Variants in MPG observed in about 807,000 individuals in gnomAD.
MPG encodes the protein N-methylpurine DNA glycosylase.
A neutral mutation model predicts 31.7 loss-of-function variants in MPG; 33 were observed. That is an observed-to-expected ratio of 1.04 (90% confidence interval 0.79 to 1.39). The LOEUF is 1.39. Ranked by LOEUF, MPG falls within the 40% of genes most tolerant of loss-of-function variation. MPG has a pLI of 0.00. For synonymous variants in MPG, 202 were observed against 169.2 expected (o/e 1.19, Z -1.51); for missense variants, 455 against 415.5 (o/e 1.10, Z -0.83).
At chr16:82,080 CCCA>C (rs1898259308) in intron 2 of MPG, among the ~76,000 whole-genome samples, 1 of 119,830 alleles carries the variant, frequency 8.3e-6, no homozygotes, top group Admixed American at 7.6e-5. Context: ...CTGAATGCTC[CCCA>C]CGCTGGCCCC....
At chr16:78,379 C>T in intron 1 of MPG, 46 bp downstream of exon 1, 1 of 1,190,132 alleles carries the variant, frequency 8.4e-7, no homozygotes, top group Non-Finnish European at 1.0e-6. Context: ...GCGCCCACCC[C>T]CAGGCGCAGC....
rs560374683 is a variant in MPG, at chr16:79,434, C to G, written c.34C>G (p.Arg12Gly). 3.7e-5 allele frequency: 60 copies of G among 1,613,142 alleles called. No homozygotes were observed. In the South Asian group the frequency reaches 6.6e-4, roughly 18 times the overall value. Residue 12 changes from arginine to glycine, a missense_variant, in exon 2 of 4, where the codon CGG (arginine) becomes GGG (glycine). Physicochemically the swap from Arg to Gly is moderately radical, Grantham distance 125. Coordinates refer to ENST00000356432, the MANE Select transcript of MPG (RefSeq NM_001015052.3). ...TTTTTTCCCATTACAGTTTTGCCGA[C>G]GGATGGGGCAAAAGAAGCAGCGACC... is the stretch of plus-strand genomic sequence containing the variant. ...PARSGAQFCRRMGQKKQRPAR... is the reference protein window; with the variant it reads ...PARSGAQFCRGMGQKKQRPAR...
Position 79,513 on chromosome 16 carries a change from A to G in MPG, c.113A>G (p.Glu38Gly), listed in dbSNP as rs1230030281. 7 of 1,612,358 alleles carry G rather than the reference A, an allele frequency of 4.3e-6. No individual in the cohort carries two copies. The highest frequency in any genetic ancestry group is 2.2e-5 in the East Asian group (1 of 44,858). Residue 38 changes from glutamate to glycine, a missense_variant, in exon 2 of 4, where the codon GAG becomes GGG. Glu to Gly is a moderately conservative substitution (Grantham distance 98). Coordinates refer to ENST00000356432, the MANE Select transcript of MPG (RefSeq NM_001015052.3). ...TCCGACGCAGCCCAGGCACCTGCAG[A>G]GCAGCCACACAGCTCGTCCGATGCA... is the stretch of plus-strand genomic sequence containing the variant. ...SSSDAAQAPA[E>G]QPHSSSDAAQ...
intron 2 of MPG, among the ~76,000 whole-genome samples, chr16:80,141 C>T (rs761973998): frequency 6.6e-6 from 1 of 152,254 alleles, no homozygotes; most frequent in Admixed American, 6.5e-5. Flanking sequence ...TGGGCTCTGC[C>T]AATCAGACTT....
At position 85,492 on chromosome 16, in the gene MPG, C is replaced by A. The variant is rs575216465; in HGVS notation, c.597C>A (p.Thr199=). 3.7e-6 allele frequency: 6 copies of A among 1,613,248 alleles called. No individual in the cohort carries two copies. The African/African-American group carries it at 8.0e-5, about 21-fold the overall frequency. ...TTCGCAGCACCCTCCGGAAAGGCAC[C>A]GCCAGCCGTGTCCTCAAGGACCGCG... ...RQLRSTLRKG[T]ASRVLKDREL... The change falls in exon 4 of 4, where the codon ACC becomes ACA. Residue 199 remains threonine (T), a synonymous_variant. Coordinates refer to ENST00000356432, the MANE Select transcript of MPG (RefSeq NM_001015052.3).
chr16:82,782 TCCCAG>T (rs1898286249), intron 2 of MPG, among the ~76,000 whole-genome samples: 1 of 152,154 alleles, frequency 6.6e-6, no homozygotes, highest in South Asian at 2.1e-4. Flanking sequence ...GACTGCCGGT[TCCCAG>T]CCCAGCCTGG....
intron 2 of MPG, among the ~76,000 whole-genome samples, chr16:81,470 G>A (rs3176411): frequency 0.11 from 15,715 of 148,404 alleles, 3,099 homozygotes; most frequent in African/African-American, 0.39. Flanking sequence ...ATGGAACAGG[G>A]CCACCCTTTC....
intron 3 of MPG, 35 bp from the exon 4 acceptor site, chr16:85,366 A>G: frequency 6.4e-7 from 1 of 1,562,668 alleles, no homozygotes; most frequent in South Asian, 1.2e-5. Flanking sequence ...ACAGGAGCCT[A>G]GGGAGGCTCC....
At chr16:78,452 T>C in intron 1 of MPG, 119 bp downstream of exon 1, 1 of 904,372 alleles carries the variant, frequency 1.1e-6, no homozygotes, top group Non-Finnish European at 1.4e-6. Context: ...GCCCCGAGGG[T>C]TCGGGGCAGA....
intron 1 of MPG, among the ~76,000 whole-genome samples, chr16:78,865 C>T (rs1269563178): frequency 6.6e-6 from 1 of 152,228 alleles, no homozygotes; most frequent in Non-Finnish European, 1.5e-5. Context: ...GGAGACCTTG[C>T]CTTTGCCCCA....
At chr16:83,452 C>A in intron 3 of MPG, 196 bp downstream of exon 3, 1 of 556,706 alleles carries the variant, frequency 1.8e-6, no homozygotes, top group Non-Finnish European at 3.1e-6. Flanking sequence ...TAGAAAGGGC[C>A]GGGTGGGGCC....
At chr16:83,846 G>A (rs1193373709) in intron 3 of MPG, among the ~76,000 whole-genome samples, 1 of 152,174 alleles carries the variant, frequency 6.6e-6, no homozygotes, top group Admixed American at 6.5e-5. Flanking sequence ...AGCACATGAG[G>A]ATGAGAAGCT....
intron 2 of MPG, among the ~76,000 whole-genome samples, chr16:81,667 C>T (rs1250445005): frequency 1.5e-5 from 2 of 134,232 alleles, no homozygotes; most frequent in East Asian, 4.1e-4. Context: ...TCCGGGAAGG[C>T]CTCCTGAATG....
Position 79,560 on chromosome 16 carries a change from G to A in MPG, c.160G>A (p.Glu54Lys), listed in dbSNP as rs781615812. 9 of 1,612,594 alleles carry A rather than the reference G, an allele frequency of 5.6e-6. No individual in the cohort carries two copies. The Admixed American group carries it at 6.7e-5, about 12-fold the overall frequency. Residue 54 changes from glutamate to lysine, a missense_variant, in exon 2 of 4, where the codon GAG becomes AAG. Glu to Lys is a moderately conservative substitution (Grantham distance 56, BLOSUM62 1). Transcript: ENST00000356432. ...TGCAGCCCAGGCACCTTGCCCCAGGGAGCGCTGCTTGGGACCGCCCACCAC... is the reference window on the plus strand; with the variant it reads ...TGCAGCCCAGGCACCTTGCCCCAGGAAGCGCTGCTTGGGACCGCCCACCAC... ...SDAAQAPCPR[E>K]RCLGPPTTPG...
chr16:80,931 A>C (rs982860478), intron 2 of MPG, among the ~76,000 whole-genome samples: 7 of 152,254 alleles, frequency 4.6e-5, no homozygotes, highest in Admixed American at 2.6e-4. Context: ...GTTTGTCTCT[A>C]TTCAGCATCC....
intron 3 of MPG, among the ~76,000 whole-genome samples, chr16:85,165 C>G (rs1898391048): frequency 1.3e-5 from 2 of 152,224 alleles, no homozygotes; most frequent in African/African-American, 4.8e-5. Flanking sequence ...AGGAGGCACA[C>G]CTCATGGTGC....
At position 79,842 on chromosome 16, in the gene MPG, C is replaced by T. The variant is rs985658004; in HGVS notation, c.300+142C>T. ...ATTTAGCGGCTTTGCTCACACTGGT[C>T]CCTGCTTAGCTTCATCTCAGTTGCC... is the stretch of plus-strand genomic sequence containing the variant. On this transcript the variant is annotated intron_variant, in intron 2 of 3. Coordinates refer to ENST00000356432, the MANE Select transcript of MPG (RefSeq NM_001015052.3). The T allele has an allele frequency of 4.4e-6, 4 of 908,676 alleles. No homozygotes were observed. In the African/African-American group the frequency reaches 5.1e-5, roughly 12 times the overall value. 56.3% of individuals were successfully genotyped at this position (908,676 alleles called of 1,614,324 possible). A position where few individuals can be genotyped will look rare whatever the true frequency, so the allele number is the denominator to read the frequency against.
intron 1 of MPG, among the ~76,000 whole-genome samples, 179 bp downstream of exon 1, chr16:78,512 G>A (rs79410592): frequency 0.079 from 11,975 of 152,226 alleles, 972 homozygotes; most frequent in African/African-American, 0.19. Context: ...AGTGGCCGCA[G>A]CGCCCGGGGG....
chr16:79,389 T>C (rs1355576089), intron 1 of MPG, 36 bp from the exon 2 acceptor site: 2 of 1,613,820 alleles, frequency 1.2e-6, no homozygotes, highest in East Asian at 2.2e-5. Context: ...AGCTGTCTCC[T>C]ATTCGGATGC....
Sources: gnomAD v4.1 joint callset for allele counts (sites outside exome capture counted in the v4.1 genomes callset) on GRCh38, gnomAD v4.1.1 for gene constraint, MANE v1.5 for transcripts, NCBI Gene and HGNC (gene_info 2026-07-23, HGNC 2026-07-21) for gene names.